TESC: variants seen among roughly 807,000 people sequenced by gnomAD.
TESC encodes calcineurin B homologous protein 3.
Under a neutral mutation model 31.0 loss-of-function variants are expected in TESC, and 19 were observed. The observed-to-expected ratio is 0.61, with a 90% confidence interval of 0.43 to 0.90. TESC has a LOEUF of 0.90. Among genes scored for constraint, TESC ranks in the 40% least tolerant of loss-of-function variants. TESC has a pLI of 0.00. For synonymous variants in TESC, 109 were observed against 114.8 expected (o/e 0.95, Z 0.32); for missense variants, 248 against 303.8 (o/e 0.82, Z 1.36).
chr12:117,094,146 T>C (rs1955360161), intron 1 of TESC, among the ~76,000 whole-genome samples: 1 of 152,344 alleles, frequency 6.6e-6, no homozygotes, highest in African/African-American at 2.4e-5. Flanking sequence ...GGGCTTTTCA[T>C]ATGAATCTTA....
rs561083410 is a variant in TESC at position 117,071,050 on chromosome 12, T to G, written c.128+4221A>C. Among the ~76,000 whole-genome samples, 3 of 152,344 alleles carry G rather than the reference T, an allele frequency of 2.0e-5. No individual in the cohort carries two copies. The South Asian group carries it at 6.2e-4, about 32-fold the overall frequency. On this transcript the variant is annotated intron_variant, in intron 2 of 7. Transcript: ENST00000335209. ...CGTTCAAATAATAAGAGCTTACATT[T>G]GTGAGCTGTTTCTACGTGCCAAGAC...
intron 6 of TESC, among the ~76,000 whole-genome samples, chr12:117,043,813 C>G (rs182783876): frequency 6.6e-6 from 1 of 152,280 alleles, no homozygotes; most frequent in East Asian, 1.9e-4. Flanking sequence ...GAGTTGGGTT[C>G]TAGTCTCTCT....
At chr12:117,083,393 T>C (rs979619748) in intron 1 of TESC, among the ~76,000 whole-genome samples, 2 of 152,166 alleles carry the variant, frequency 1.3e-5, no homozygotes, top group Non-Finnish European at 2.9e-5. Flanking sequence ...ATTCCATTTA[T>C]ACCCGAGATA....
chr12:117,064,109 G>T (rs1954837558), intron 2 of TESC, among the ~76,000 whole-genome samples: 1 of 151,934 alleles, frequency 6.6e-6, no homozygotes, highest in African/African-American at 2.4e-5. Context: ...TAAAGACAGG[G>T]TCTCACTATA....
chr12:117,090,949 G>A (rs1356260329), intron 1 of TESC, among the ~76,000 whole-genome samples: 1 of 152,142 alleles, frequency 6.6e-6, no homozygotes, highest in Non-Finnish European at 1.5e-5. Flanking sequence ...GCTGTCTCCG[G>A]CCTGGCCACC....
chr12:117,069,637 T>TC lies in TESC; in HGVS notation c.128+5633dup, dbSNP rs200646510. Reference sequence around the variant, plus strand: ...GCTTTCAATGCCGCAAGACGAACCCTCCCCTAGATGTCCTCAGATGACTTC... The same window carrying TC: ...GCTTTCAATGCCGCAAGACGAACCCTCCCCCTAGATGTCCTCAGATGACTTC... On this transcript the variant is annotated intron_variant, in intron 2 of 7. Coordinates refer to ENST00000335209, the MANE Select transcript of TESC (RefSeq NM_017899.4). 6.0e-3 allele frequency among the ~76,000 whole-genome samples: 920 copies of TC among 152,152 alleles called. 8 individuals carry two copies. Among genetic ancestry groups the TC allele is most frequent in the African/African-American group, 0.02 (846 of 41,504 alleles).
At chr12:117,066,266 G>A (rs1385816579) in intron 2 of TESC, among the ~76,000 whole-genome samples, 1 of 141,036 alleles carries the variant, frequency 7.1e-6, no homozygotes, top group East Asian at 2.2e-4. Flanking sequence ...GAGTACAGTG[G>A]TGCGATTTTG....
intron 3 of TESC, among the ~76,000 whole-genome samples, chr12:117,051,749 C>T (rs1051336156): frequency 6.6e-6 from 1 of 152,004 alleles, no homozygotes; most frequent in Non-Finnish European, 1.5e-5. Flanking sequence ...ACCTTGTGAC[C>T]GGCACTGCTT....
At chr12:117,052,102 C>T (rs996277384) in intron 3 of TESC, among the ~76,000 whole-genome samples, 1 of 152,070 alleles carries the variant, frequency 6.6e-6, no homozygotes, top group Admixed American at 6.5e-5. Context: ...AAAATGAGCA[C>T]CAGGATGAAG....
intron 6 of TESC, among the ~76,000 whole-genome samples, chr12:117,043,055 C>T (rs1450844631): frequency 6.6e-6 from 1 of 151,806 alleles, no homozygotes; most frequent in Non-Finnish European, 1.5e-5. Context: ...AGATAAAGAA[C>T]AAAAAACAAA....
chr12:117,074,582 T>C (rs1593013943), intron 2 of TESC, among the ~76,000 whole-genome samples: 1 of 152,256 alleles, frequency 6.6e-6, no homozygotes, highest in East Asian at 1.9e-4. Context: ...ACAGAGGTCC[T>C]GATGGCAGCC....
At chr12:117,043,918 G>A (rs1448377244) in intron 6 of TESC, among the ~76,000 whole-genome samples, 2 of 152,070 alleles carry the variant, frequency 1.3e-5, no homozygotes, top group Non-Finnish European at 2.9e-5. Context: ...CTACTGGCAG[G>A]ACTTTGCAGG....
intron 2 of TESC, among the ~76,000 whole-genome samples, chr12:117,064,210 G>A (rs551825537): frequency 3.3e-5 from 5 of 152,244 alleles, no homozygotes; most frequent in African/African-American, 7.2e-5. Flanking sequence ...GCATTTTAAC[G>A]CAGTCCCCAG....
Position 117,090,162 on chromosome 12 carries a change from T to C in TESC, c.58+9063A>G, listed in dbSNP as rs1955287360. On this transcript the variant is annotated intron_variant, in intron 1 of 7. Transcript: ENST00000335209. ...CAACTCACAGAGCCTCACTGAAAAA[T>C]CTACAGAAACATGCATTAAATAAGA... Among the ~76,000 whole-genome samples the C allele has an allele frequency of 2.6e-5, 4 of 151,890 alleles. No individual in the cohort carries two copies. In the South Asian group the frequency reaches 8.3e-4, roughly 31 times the overall value.
rs1955443158 is a variant in TESC at position 117,099,393 on chromosome 12, C to T, written c.-111G>A. On this transcript the variant is annotated 5_prime_UTR_variant, in exon 1 of 8. Coordinates refer to ENST00000335209, the MANE Select transcript of TESC (RefSeq NM_017899.4). ...GTCCGGCCTCGGGTCGGGACGCCGGCGAAGGCTCGGAGCCGCGGGTTCCGC... is the reference window on the plus strand; with the variant it reads ...GTCCGGCCTCGGGTCGGGACGCCGGTGAAGGCTCGGAGCCGCGGGTTCCGC... The T allele has an allele frequency of 8.9e-7, 1 of 1,126,044 alleles. No individual in the cohort carries two copies. The highest frequency in any genetic ancestry group is 1.6e-5 in the African/African-American group (1 of 60,912). The allele number at this position is 1,126,044 out of a possible 1,614,324, so 69.8% of individuals were successfully genotyped here.
At chr12:117,081,408 G>GAATTATATTACATAATGT (rs1268924107) in intron 1 of TESC, among the ~76,000 whole-genome samples, 1 of 151,996 alleles carries the variant, frequency 6.6e-6, no homozygotes, top group Non-Finnish European at 1.5e-5. Flanking sequence ...AGAAAATTTA[G>GAATTATATTACATAATGT]AATTATATTA....
chr12:117,068,519 ACT>A (rs1476477510), intron 2 of TESC, among the ~76,000 whole-genome samples: 2 of 152,084 alleles, frequency 1.3e-5, no homozygotes, highest in Non-Finnish European at 2.9e-5. Context: ...ACAGAGCGAG[ACT>A]CTGTCTCAAA....
At position 117,054,665 on chromosome 12, in the gene TESC, G is replaced by A. The variant is rs146477707; in HGVS notation, c.209+2141C>T. Among the ~76,000 whole-genome samples, 34 of 152,250 alleles carry A rather than the reference G, an allele frequency of 2.2e-4. No individual in the cohort carries two copies. In the East Asian group the frequency reaches 6.2e-3, roughly 28 times the overall value. Reference sequence around the variant, plus strand: ...TGAGCAGCACCCCAGTTTCCAGTGGGACCCTGGGAGGCTCAGCACCTTGTC... The same window carrying A: ...TGAGCAGCACCCCAGTTTCCAGTGGAACCCTGGGAGGCTCAGCACCTTGTC... On this transcript the variant is annotated intron_variant, in intron 3 of 7. Transcript: ENST00000335209.
chr12:117,096,649 A>T (rs986254842), intron 1 of TESC, among the ~76,000 whole-genome samples: 3 of 152,190 alleles, frequency 2.0e-5, no homozygotes, highest in African/African-American at 7.2e-5. Flanking sequence ...ATCCTTCCCA[A>T]CAACTTCAAG....
Sources: allele counts gnomAD v4.1 joint callset (sites outside exome capture counted in the v4.1 genomes callset), GRCh38; gene constraint gnomAD v4.1.1; transcripts MANE v1.5; gene names NCBI Gene and HGNC (gene_info 2026-07-23, HGNC 2026-07-21).